Variants in SLC7A9 observed in about 807,000 individuals in gnomAD.
SLC7A9 encodes the protein B(0,+)-type amino acid transporter 1.
A neutral mutation model predicts 54.1 loss-of-function variants in SLC7A9; 38 were observed. The ratio of observed to expected loss-of-function variants is 0.70; its 90% CI spans 0.54 to 0.92. SLC7A9 has a LOEUF of 0.92. Among genes scored for constraint, SLC7A9 ranks in the 40% least tolerant of loss-of-function variants. SLC7A9 has a pLI of 0.00. For missense variants in SLC7A9, 537 were observed against 636.1 expected, an observed-to-expected ratio of 0.84 and a Z score of 1.68; for synonymous variants, 264 against 258.9, an observed-to-expected ratio of 1.02 and a Z score of -0.19.
Position 32,858,536 on chromosome 19 carries a change from C to A in SLC7A9, c.881G>T (p.Gly294Val). Residue 294 changes from glycine (G) to valine (V), a missense_variant, in exon 9 of 13, where the codon GGT (glycine) becomes GTT (valine). By Grantham distance (109) the Gly-to-Val change is moderately radical. Coordinates refer to ENST00000023064, the MANE Select transcript of SLC7A9 (RefSeq NM_014270.5). Reference sequence around the variant, plus strand: ...AGAAGCAGGATAGAGAACACGGTCACCAAATGTCTGGTGAGAGAAGCGAGA... The same window carrying A: ...AGAAGCAGGATAGAGAACACGGTCAACAAATGTCTGGTGAGAGAAGCGAGA... ...LQSQAVAVTF[G>V]DRVLYPASWI... is the part of the protein sequence containing the mutation. 2 of 1,611,876 alleles carry A rather than the reference C, an allele frequency of 1.2e-6. No individual in the cohort carries two copies. The highest frequency in any genetic ancestry group is 1.7e-6 in the Non-Finnish European group (2 of 1,179,138).
intron 4 of SLC7A9, among the ~76,000 whole-genome samples, chr19:32,863,390 G>A (rs920091091): frequency 1.3e-5 from 2 of 151,412 alleles, no homozygotes; most frequent in Non-Finnish European, 2.9e-5. Context: ...GTCTCCCAAA[G>A]TGCTAGGATT....
chr19:32,853,706 C>T (rs956207974), intron 9 of SLC7A9, among the ~76,000 whole-genome samples: 8 of 151,990 alleles, frequency 5.3e-5, no homozygotes, highest in African/African-American at 1.7e-4. Context: ...CACTTGAGGC[C>T]AGGAGTTTAA....
chr19:32,841,002 G>A (rs1005730374), intron 11 of SLC7A9, among the ~76,000 whole-genome samples: 4 of 152,112 alleles, frequency 2.6e-5, no homozygotes, highest in Non-Finnish European at 4.4e-5. Context: ...ACAAGTCTAT[G>A]CTACCGTCAT....
chr19:32,839,286 G>A (rs1599655355), intron 11 of SLC7A9, among the ~76,000 whole-genome samples: 1 of 152,114 alleles, frequency 6.6e-6, no homozygotes, highest in Non-Finnish European at 1.5e-5. Flanking sequence ...GGGGCACGGT[G>A]GCTCACACCT....
intron 11 of SLC7A9, among the ~76,000 whole-genome samples, 197 bp from the exon 12 acceptor site, chr19:32,833,520 G>A (rs1020144614): frequency 6.6e-6 from 1 of 151,834 alleles, no homozygotes; most frequent in African/African-American, 2.4e-5. Context: ...TTTTTTGGCC[G>A]GGCATGGGTG....
Position 32,867,998 on chromosome 19 carries a change from C to T in SLC7A9, c.87+450G>A, listed in dbSNP as rs376440276. Among the ~76,000 whole-genome samples the T allele has an allele frequency of 2.3e-3, 323 of 143,504 alleles. 2 individuals are homozygous for T. Among genetic ancestry groups the T allele is most frequent in the African/African-American group, 8.2e-3 (317 of 38,638 alleles). The allele number at this position is 143,504 out of a possible 152,430, so 94.1% of individuals were successfully genotyped here. On this transcript the variant is annotated intron_variant, in intron 2 of 12. Transcript: ENST00000023064. ...GTGGCACACGCCTGTAATCCCAGCACTTTGGGAGGATCACCTGAGGCCAAG... is the reference window on the plus strand; with the variant it reads ...GTGGCACACGCCTGTAATCCCAGCATTTTGGGAGGATCACCTGAGGCCAAG...
intron 9 of SLC7A9, among the ~76,000 whole-genome samples, chr19:32,857,426 A>G (rs1028284628): frequency 3.3e-5 from 5 of 152,224 alleles, no homozygotes; most frequent in African/African-American, 1.2e-4. Context: ...CCTGGGCGAC[A>G]GAGTGAGACC....
intron 9 of SLC7A9, among the ~76,000 whole-genome samples, chr19:32,854,573 C>T (rs1257840539): frequency 6.6e-6 from 1 of 152,038 alleles, no homozygotes; most frequent in Admixed American, 6.6e-5. Flanking sequence ...TAACATTGGT[C>T]TGGGCAATGA....
chr19:32,856,758 G>A (rs1968639992), intron 9 of SLC7A9, among the ~76,000 whole-genome samples: 1 of 152,054 alleles, frequency 6.6e-6, no homozygotes, highest in South Asian at 2.1e-4. Flanking sequence ...ATTTCTTTTT[G>A]TAGAGACGGA....
chr19:32,859,209 T>C (rs1968720869), intron 8 of SLC7A9, among the ~76,000 whole-genome samples: 1 of 152,104 alleles, frequency 6.6e-6, no homozygotes, highest in Non-Finnish European at 1.5e-5. Flanking sequence ...AAGTGATCCT[T>C]GCCTCAGTCT....
chr19:32,830,624 T>A lies in SLC7A9; in HGVS notation c.1460A>T (p.Glu487Val), dbSNP rs1377956233. Reference protein sequence around the residue: ...MEVVPPEEDPE With the variant: ...MEVVPPEEDPV ...GGCTACAAGAGACGGAGCTTGTTAC[T>A]CAGGGTCTTCCTCCGGTGGGACCAC... is the stretch of plus-strand genomic sequence containing the variant. Residue 487 changes from glutamate to valine, a missense_variant, in exon 13 of 13, where the codon GAG (glutamate) becomes GTG (valine). Glu to Val is a moderately radical substitution (Grantham distance 121). Transcript: ENST00000023064. 5 of 1,613,102 alleles carry A rather than the reference T, an allele frequency of 3.1e-6. No homozygotes were observed. Among genetic ancestry groups the A allele is most frequent in the Non-Finnish European group, 4.2e-6 (5 of 1,179,006 alleles).
At chr19:32,847,793 T>C (rs1280211851) in intron 9 of SLC7A9, among the ~76,000 whole-genome samples, 9 of 152,160 alleles carry the variant, frequency 5.9e-5, no homozygotes, top group African/African-American at 1.4e-4. Flanking sequence ...AGAGAAAGGC[T>C]GGGTTACCCA....
chr19:32,842,122 A>G (rs746049344), intron 11 of SLC7A9, 46 bp downstream of exon 11: 2 of 1,599,078 alleles, frequency 1.3e-6, no homozygotes, highest in Non-Finnish European at 8.6e-7. Context: ...CATCTAATTC[A>G]TTAAAAAATC....
In SLC7A9 at chr19:32,859,939, C is replaced by T. The variant is rs121908483; in HGVS notation, c.775G>A (p.Gly259Arg). The T allele has an allele frequency of 6.8e-6, 11 of 1,613,954 alleles. No homozygotes were observed. Among genetic ancestry groups the T allele is most frequent in the South Asian group, 1.1e-5 (1 of 91,078 alleles). The change falls in exon 8 of 13, where the codon GGG (glycine) becomes AGG (arginine). Residue 259 changes from glycine to arginine, a missense_variant. Gly to Arg is a moderately radical substitution (Grantham distance 125, BLOSUM62 -2). Transcript: ENST00000023064. ...YRNLPLAIII[G>R]IPLVTACYIL... ...TAGCACGCCGTCACCAGGGGGATCC[C>T]GATGATAATGGCCAAAGGCAGGTTT...
rs192469487 is a variant in SLC7A9, at chr19:32,840,781, G to T, written c.1224+1387C>A. On this transcript the variant is annotated intron_variant, in intron 11 of 12. Transcript: ENST00000023064. ...CCCTGCTCCTCCACCTCCCCTGGGG[G>T]TCCTCTGATCTTCCCACTGAGAACC... Among the ~76,000 whole-genome samples, 5 of 152,234 alleles carry T rather than the reference G, an allele frequency of 3.3e-5. No individual in the cohort carries two copies. The East Asian group carries it at 5.8e-4, about 18-fold the overall frequency.
chr19:32,835,185 G>A (rs1437941154), intron 11 of SLC7A9, among the ~76,000 whole-genome samples: 3 of 152,170 alleles, frequency 2.0e-5, no homozygotes, highest in African/African-American at 7.2e-5. Flanking sequence ...TAGTGTAACT[G>A]GGTTCTGTTT....
intron 9 of SLC7A9, among the ~76,000 whole-genome samples, chr19:32,852,079 G>A (rs1346486310): frequency 6.6e-6 from 1 of 151,990 alleles, no homozygotes; most frequent in Non-Finnish European, 1.5e-5. Context: ...TTAAAATGAC[G>A]AGTTAATGGG....
At chr19:32,864,448 T>C in intron 3 of SLC7A9, 110 bp from the exon 4 acceptor site, 1 of 1,552,678 alleles carries the variant, frequency 6.4e-7, no homozygotes, top group Non-Finnish European at 8.8e-7. Flanking sequence ...CCCACCGTGG[T>C]CCGCCCTCGC....
chr19:32,855,676 T>C (rs1214461767), intron 9 of SLC7A9, among the ~76,000 whole-genome samples: 1 of 151,630 alleles, frequency 6.6e-6, no homozygotes, highest in African/African-American at 2.4e-5. Context: ...CACTCCAGCC[T>C]GGGTGACAGA....
Sources: gnomAD v4.1 joint callset for allele counts (sites outside exome capture counted in the v4.1 genomes callset) on GRCh38, gnomAD v4.1.1 for gene constraint, MANE v1.5 for transcripts, NCBI Gene and HGNC (gene_info 2026-07-23, HGNC 2026-07-21) for gene names.